ABTB2: variants seen among roughly 807,000 people sequenced by gnomAD.
The protein encoded by ABTB2 is ankyrin repeat and BTB domain containing 2.
In ABTB2, 56 loss-of-function variants were observed where a neutral mutation model predicts 104.1. The ratio of observed to expected loss-of-function variants is 0.54; its 90% CI spans 0.43 to 0.67. The LOEUF (loss-of-function observed/expected upper bound fraction) is 0.67. Among genes scored for constraint, ABTB2 ranks in the 30% least tolerant of loss-of-function variants. The pLI, the probability that ABTB2 is intolerant of heterozygous loss-of-function variation, is 0.00. For synonymous variants in ABTB2, 606 were observed against 608.2 expected (o/e 1.00, Z 0.05); for missense variants, 1,279 against 1,407.7 (o/e 0.91, Z 1.46).
intron 1 of ABTB2, among the ~76,000 whole-genome samples, chr11:34,278,573 C>A (rs1169980954): frequency 6.6e-6 from 1 of 152,166 alleles, no homozygotes; most frequent in Non-Finnish European, 1.5e-5. Context: ...TAAGGCTATA[C>A]AATGTGCTGG....
chr11:34,261,798 G>C (rs1854192101), intron 1 of ABTB2, among the ~76,000 whole-genome samples: 1 of 152,182 alleles, frequency 6.6e-6, no homozygotes. Flanking sequence ...GGCATAGCCA[G>C]TTTCACAGTT....
At chr11:34,310,165 GAAGGGCTCGAGA>G (rs1854832533) in intron 1 of ABTB2, among the ~76,000 whole-genome samples, 2 of 152,160 alleles carry the variant, frequency 1.3e-5, no homozygotes, top group South Asian at 4.1e-4. Context: ...GAGAGCCCAG[GAAGGGCTCGAGA>G]AGTAATCCCT....
intron 3 of ABTB2, among the ~76,000 whole-genome samples, chr11:34,173,555 A>T (rs987759354): frequency 6.6e-6 from 1 of 152,052 alleles, no homozygotes; most frequent in Non-Finnish European, 1.5e-5. Flanking sequence ...CTTGCAAGGG[A>T]CCTGCTCTTT....
chr11:34,211,596 T>A (rs1302110083), intron 1 of ABTB2, among the ~76,000 whole-genome samples: 1 of 151,846 alleles, frequency 6.6e-6, no homozygotes, highest in Non-Finnish European at 1.5e-5. Context: ...GTAAAGTGAT[T>A]CATCAGGAAT....
chr11:34,212,090 T>C (rs1217812499), intron 1 of ABTB2, among the ~76,000 whole-genome samples: 1 of 151,818 alleles, frequency 6.6e-6, no homozygotes, highest in Non-Finnish European at 1.5e-5. Flanking sequence ...AGGGCCTTAC[T>C]CTGTCATTCA....
intron 1 of ABTB2, among the ~76,000 whole-genome samples, chr11:34,253,668 T>G (rs1854083426): frequency 6.9e-6 from 1 of 145,712 alleles, no homozygotes; most frequent in Non-Finnish European, 1.5e-5. Context: ...AGAGCGAGAT[T>G]CCGTCTCAAA....
At chr11:34,159,195 A>G in intron 14 of ABTB2, 101 bp downstream of exon 14, 1 of 840,458 alleles carries the variant, frequency 1.2e-6, no homozygotes, top group Non-Finnish European at 2.0e-6. Context: ...AGGCACTGGG[A>G]ATAGAGTGAA....
At position 34,152,289 on chromosome 11, in the gene ABTB2, C is replaced by T; in HGVS notation, c.*98G>A. 3.7e-6 allele frequency: 5 copies of T among 1,350,032 alleles called. No individual in the cohort carries two copies. The highest frequency in any genetic ancestry group is 5.0e-6 in the Non-Finnish European group (5 of 1,002,186). The allele number at this position is 1,350,032 out of a possible 1,614,324, so 83.6% of individuals were successfully genotyped here. On this transcript the variant is annotated 3_prime_UTR_variant, in exon 17 of 17. Transcript: ENST00000435224. ...TCTGGGGGAGGAGGAGGAAACAGCC[C>T]CGTGAACCTGGCTCCAAGAGGGCCT...
chr11:34,282,156 C>T (rs540443355), intron 1 of ABTB2, among the ~76,000 whole-genome samples: 5 of 152,264 alleles, frequency 3.3e-5, no homozygotes, highest in Admixed American at 1.3e-4. Flanking sequence ...CATCCTCACA[C>T]GGTGGAAGAG....
chr11:34,271,092 G>A (rs1001962744), intron 1 of ABTB2, among the ~76,000 whole-genome samples: 5 of 152,160 alleles, frequency 3.3e-5, no homozygotes, highest in African/African-American at 7.2e-5. Flanking sequence ...GTATAGGGAC[G>A]GGTGATGGCG....
In ABTB2 at chr11:34,223,186, A is replaced by G. The variant is rs114921269; in HGVS notation, c.884-18496T>C. Among the ~76,000 whole-genome samples the G allele has an allele frequency of 6.2e-3, 944 of 152,272 alleles. 12 individuals carry two copies. The highest frequency in any genetic ancestry group is 0.021 in the African/African-American group (871 of 41,564). On this transcript the variant is annotated intron_variant, in intron 1 of 16. Transcript: ENST00000435224. ...TGGCGTGTGATCTGCCCACCAACAC[A>G]GCCGAGGACCGAGTGGAAACAGTGA... is the stretch of plus-strand genomic sequence containing the variant.
chr11:34,312,618 CA>C (rs1289713622), intron 1 of ABTB2, among the ~76,000 whole-genome samples: 1 of 152,232 alleles, frequency 6.6e-6, no homozygotes, highest in Non-Finnish European at 1.5e-5. Flanking sequence ...TTGCAATCCT[CA>C]GAGTTCCCAT....
intron 1 of ABTB2, among the ~76,000 whole-genome samples, chr11:34,298,732 G>A (rs1460503301): frequency 2.0e-5 from 3 of 152,124 alleles, no homozygotes; most frequent in Non-Finnish European, 4.4e-5. Context: ...AAAGTGCTAG[G>A]ATTATAGGTG....
chr11:34,213,610 G>A (rs1237988012), intron 1 of ABTB2, among the ~76,000 whole-genome samples: 1 of 152,216 alleles, frequency 6.6e-6, no homozygotes, highest in Admixed American at 6.5e-5. Flanking sequence ...AGACCCAGAG[G>A]ATGACTATTA....
At chr11:34,235,536 A>C (rs897286843) in intron 1 of ABTB2, among the ~76,000 whole-genome samples, 1 of 152,172 alleles carries the variant, frequency 6.6e-6, no homozygotes, top group African/African-American at 2.4e-5. Flanking sequence ...TACATCTCCA[A>C]TACTGAATGA....
intron 1 of ABTB2, among the ~76,000 whole-genome samples, chr11:34,306,380 G>A (rs1424894957): frequency 1.3e-5 from 2 of 149,952 alleles, no homozygotes; most frequent in Non-Finnish European, 3.0e-5. Flanking sequence ...CTGAGTAACT[G>A]GGATTACAGG....
intron 1 of ABTB2, among the ~76,000 whole-genome samples, chr11:34,309,248 G>A (rs2133103962): frequency 6.6e-6 from 1 of 152,322 alleles, no homozygotes; most frequent in East Asian, 1.9e-4. Context: ...CTGACCACAT[G>A]TTCCCATGCA....
rs756317322 is a variant in ABTB2, at chr11:34,356,997, C to A, written c.587G>T (p.Gly196Val). 1.0e-5 allele frequency: 16 copies of A among 1,582,444 alleles called. No individual in the cohort carries two copies. Among genetic ancestry groups the A allele is most frequent in the African/African-American group, 1.3e-5 (1 of 74,728 alleles). Residue 196 changes from glycine to valine, a missense_variant, in exon 1 of 17, where the codon GGC (glycine) becomes GTC (valine). Gly to Val is a moderately radical substitution (Grantham distance 109). Transcript: ENST00000435224. This position sits in a 1 kb window ranked among gnomAD's most constrained non-coding sequence, Gnocchi z 4.6. ...SMSAGDGLRR[G>V]KSARCGLTFS... ...GGTGAGGCCGCAGCGCGCGGACTTG[C>A]CCCGGCGCAGCCCGTCGCCGGCGCT... is the stretch of plus-strand genomic sequence containing the variant.
chr11:34,196,427 A>G (rs1406300135), intron 3 of ABTB2, among the ~76,000 whole-genome samples: 2 of 152,062 alleles, frequency 1.3e-5, no homozygotes, highest in Non-Finnish European at 2.9e-5. Flanking sequence ...GGTGGCGGGC[A>G]CCTGTAGTCC....
Sources: gnomAD v4.1 joint callset for allele counts (sites outside exome capture counted in the v4.1 genomes callset) on GRCh38, gnomAD v4.1.1 for gene constraint, Gnocchi (gnomAD v3.1) non-coding constraint, MANE v1.5 for transcripts, NCBI Gene and HGNC (gene_info 2026-07-23, HGNC 2026-07-21) for gene names.